HOOK3: variants seen among roughly 807,000 people sequenced by gnomAD.
HOOK3 encodes the protein hook microtubule tethering protein 3.
A neutral mutation model predicts 116.3 loss-of-function variants in HOOK3; 24 were observed. The observed-to-expected ratio is 0.21, with a 90% CI of 0.15 to 0.29. The LOEUF is 0.29. Among genes scored for constraint, HOOK3 ranks in the 10% least tolerant of loss-of-function variants. HOOK3 has a pLI of 1.00. For synonymous variants in HOOK3, 275 were observed against 283.0 expected (o/e 0.97, Z 0.28); for missense variants, 632 against 830.2 (o/e 0.76, Z 2.93).
At chr8:42,973,527 G>C in intron 12 of HOOK3, 128 bp downstream of exon 12, 3 of 621,680 alleles carry the variant, frequency 4.8e-6, no homozygotes, top group Non-Finnish European at 7.9e-6. Context: ...TTATTTTTAA[G>C]CTGTAGGAGA....
intron 19 of HOOK3, 82 bp from the exon 20 acceptor site, chr8:43,012,969 A>T: frequency 3.5e-6 from 3 of 858,190 alleles, no homozygotes; most frequent in African/African-American, 3.5e-5. Context: ...CTTTTATTTT[A>T]AAAAAATAGT....
intron 1 of HOOK3, among the ~76,000 whole-genome samples, chr8:42,897,894 C>CG (rs1807067913): frequency 6.6e-6 from 1 of 152,182 alleles, no homozygotes; most frequent in Non-Finnish European, 1.5e-5. Flanking sequence ...GGGGAACCGA[C>CG]GCCCGGGTTC....
chr8:42,919,698 C>T (rs895705998), intron 2 of HOOK3, among the ~76,000 whole-genome samples: 4 of 152,182 alleles, frequency 2.6e-5, no homozygotes, highest in Admixed American at 6.5e-5. Context: ...CCCGGCACCT[C>T]GGGAGGCTGA....
chr8:42,935,944 G>A (rs1263210674), intron 4 of HOOK3, among the ~76,000 whole-genome samples: 2 of 152,100 alleles, frequency 1.3e-5, no homozygotes, highest in African/African-American at 2.4e-5. Context: ...AGTGGTAGCT[G>A]TATGGGGATA....
chr8:43,008,168 G>A (rs1461372249), intron 18 of HOOK3, among the ~76,000 whole-genome samples: 2 of 151,874 alleles, frequency 1.3e-5, no homozygotes, highest in South Asian at 2.1e-4. Flanking sequence ...ACAGGTGCCC[G>A]CCACTACGCC....
intron 2 of HOOK3, among the ~76,000 whole-genome samples, chr8:42,920,632 A>G (rs144209164): frequency 7.9e-5 from 12 of 152,296 alleles, no homozygotes; most frequent in African/African-American, 2.6e-4. Context: ...TAGTTTACAG[A>G]GTATGAAGGG....
chr8:42,909,168 G>A (rs1484163221), intron 2 of HOOK3, among the ~76,000 whole-genome samples: 1 of 152,216 alleles, frequency 6.6e-6, no homozygotes, highest in Non-Finnish European at 1.5e-5. Flanking sequence ...TGTTGGTGAA[G>A]ATGTGGAGCA....
intron 11 of HOOK3, among the ~76,000 whole-genome samples, chr8:42,970,167 T>C (rs1808701391): frequency 6.6e-6 from 1 of 152,238 alleles, no homozygotes; most frequent in Non-Finnish European, 1.5e-5. Flanking sequence ...CCAGTCAGCC[T>C]ACCACCATTT....
intron 15 of HOOK3, among the ~76,000 whole-genome samples, chr8:42,993,735 T>G (rs1358925052): frequency 6.6e-6 from 1 of 152,138 alleles, no homozygotes; most frequent in Non-Finnish European, 1.5e-5. Context: ...TCTTGGTAGA[T>G]CATATGTGTC....
chr8:42,966,741 A>G, intron 10 of HOOK3, 128 bp downstream of exon 10: 1 of 898,660 alleles, frequency 1.1e-6, no homozygotes, highest in Non-Finnish European at 1.7e-6. Flanking sequence ...CTGCTTATGC[A>G]ACCTCTGTAT....
chr8:42,957,275 T>C, intron 7 of HOOK3, 119 bp downstream of exon 7: 1 of 424,670 alleles, frequency 2.4e-6, no homozygotes, highest in Non-Finnish European at 4.1e-6. Flanking sequence ...CTTTATATTT[T>C]ACCTAAAATT....
intron 13 of HOOK3, among the ~76,000 whole-genome samples, chr8:42,980,968 CAG>C (rs1192489107): frequency 1.3e-5 from 2 of 152,124 alleles, no homozygotes; most frequent in East Asian, 3.9e-4. Context: ...CGGGACTCTG[CAG>C]AGAGTCCCCA....
intron 15 of HOOK3, among the ~76,000 whole-genome samples, chr8:42,990,031 C>G (rs770376200): frequency 1.3e-5 from 2 of 152,102 alleles, no homozygotes; most frequent in Non-Finnish European, 2.9e-5. Flanking sequence ...GGATCTTACT[C>G]TGTCGCCCAG....
At chr8:42,939,153 C>A (rs1354118463) in intron 4 of HOOK3, among the ~76,000 whole-genome samples, 1 of 152,254 alleles carries the variant, frequency 6.6e-6, no homozygotes, top group African/African-American at 2.4e-5. Flanking sequence ...TGATTTCTCA[C>A]TCTTTTCCCC....
chr8:43,022,989 C>G lies in HOOK3; in HGVS notation c.*4491C>G, dbSNP rs1809857412. ...TGGGAGGCCAAGGCAGGCGGATCAC[C>G]TGAGGTCAGGAGTTCAAGACCAGCC... On this transcript the variant is annotated 3_prime_UTR_variant, in exon 22 of 22. Coordinates refer to ENST00000307602, the MANE Select transcript of HOOK3 (RefSeq NM_032410.4). 1 of 157,444 alleles carries G rather than the reference C, an allele frequency of 6.4e-6. No homozygotes were observed. Among genetic ancestry groups the G allele is most frequent in the African/African-American group, 2.4e-5 (1 of 41,574 alleles). The allele number at this position is 157,444 out of a possible 1,614,324, so 9.8% of individuals were successfully genotyped here.
At chr8:42,995,873 G>GTAATAA (rs1220144287) in intron 15 of HOOK3, among the ~76,000 whole-genome samples, 4 of 151,656 alleles carry the variant, frequency 2.6e-5, no homozygotes, top group Non-Finnish European at 5.9e-5. Flanking sequence ...GGCATATTTA[G>GTAATAA]TAATAATAAT....
chr8:42,899,933 G>A (rs954453534), intron 1 of HOOK3, among the ~76,000 whole-genome samples: 3 of 152,202 alleles, frequency 2.0e-5, no homozygotes, highest in African/African-American at 7.2e-5. Flanking sequence ...GTTTGAGATT[G>A]GAGAGATGTA....
chr8:42,987,500 C>T (rs1336799193), intron 15 of HOOK3, among the ~76,000 whole-genome samples: 1 of 152,190 alleles, frequency 6.6e-6, no homozygotes, highest in Non-Finnish European at 1.5e-5. Flanking sequence ...TGTGTTGGAG[C>T]TCTGTTGGTG....
chr8:42,956,231 T>TGC (rs1320682272), intron 6 of HOOK3, among the ~76,000 whole-genome samples: 4 of 147,756 alleles, frequency 2.7e-5, no homozygotes, highest in African/African-American at 9.9e-5. Context: ...GGCGTGTGTG[T>TGC]GTGTGTGTGT....
Sources: gnomAD v4.1 joint callset for allele counts (sites outside exome capture counted in the v4.1 genomes callset) on GRCh38, gnomAD v4.1.1 for gene constraint, MANE v1.5 for transcripts, NCBI Gene and HGNC (gene_info 2026-07-23, HGNC 2026-07-21) for gene names.